Variants in THRB observed in about 807,000 individuals in gnomAD.
THRB encodes the protein thyroid hormone receptor beta.
Under a neutral mutation model 47.8 loss-of-function variants are expected in THRB, and 12 were observed. The observed-to-expected ratio is 0.25, with a 90% CI of 0.16 to 0.41. THRB has a LOEUF of 0.41. THRB is among the 10% of genes least tolerant of loss of function. The pLI is 1.00. For missense variants in THRB, 348 were observed against 589.2 expected, an observed-to-expected ratio of 0.59 and a Z score of 4.24; for synonymous variants, 218 against 212.2, an observed-to-expected ratio of 1.03 and a Z score of -0.24.
intron 2 of THRB, among the ~76,000 whole-genome samples, chr3:24,316,753 A>G (rs910417558): frequency 6.6e-6 from 1 of 152,096 alleles, no homozygotes; most frequent in Non-Finnish European, 1.5e-5. Flanking sequence ...CCCAGCCCCA[A>G]GTACCACCTT....
At chr3:24,388,024 T>C (rs986507613) in intron 1 of THRB, among the ~76,000 whole-genome samples, 7 of 152,066 alleles carry the variant, frequency 4.6e-5, no homozygotes, top group Non-Finnish European at 8.8e-5. Context: ...ACAGCTATGA[T>C]GGGTATTGTC....
At chr3:24,366,232 G>C (rs1304156027) in intron 1 of THRB, among the ~76,000 whole-genome samples, 1 of 152,138 alleles carries the variant, frequency 6.6e-6, no homozygotes, top group Non-Finnish European at 1.5e-5. Flanking sequence ...CGTTGAATCA[G>C]ACACTATTCC....
At chr3:24,279,754 A>C (rs2054344454) in intron 3 of THRB, among the ~76,000 whole-genome samples, 1 of 151,876 alleles carries the variant, frequency 6.6e-6, no homozygotes, top group African/African-American at 2.4e-5. Flanking sequence ...TTTCATCCTC[A>C]CATTGCCTTG....
At chr3:24,411,308 T>C (rs1339482084) in intron 1 of THRB, among the ~76,000 whole-genome samples, 1 of 151,858 alleles carries the variant, frequency 6.6e-6, no homozygotes, top group Non-Finnish European at 1.5e-5. Flanking sequence ...CATTTGCATG[T>C]ACCAATATGG....
At chr3:24,473,812 A>C (rs978313993) in intron 1 of THRB, among the ~76,000 whole-genome samples, 2 of 152,212 alleles carry the variant, frequency 1.3e-5, no homozygotes, top group Non-Finnish European at 2.9e-5. Context: ...GCTGGAAACC[A>C]TCATTATCAG....
intron 3 of THRB, among the ~76,000 whole-genome samples, chr3:24,231,742 G>A (rs1401350082): frequency 6.6e-5 from 10 of 152,144 alleles, no homozygotes; most frequent in Admixed American, 5.9e-4. Flanking sequence ...CCTACATGGT[G>A]GGTGTTGGTA....
chr3:24,452,233 G>T (rs2072735118), intron 1 of THRB, among the ~76,000 whole-genome samples: 1 of 152,132 alleles, frequency 6.6e-6, no homozygotes, highest in South Asian at 2.1e-4. Context: ...ATGGGTATTT[G>T]TGCATTACTT....
chr3:24,214,090 G>T (rs1270055538), intron 4 of THRB, among the ~76,000 whole-genome samples: 1 of 152,186 alleles, frequency 6.6e-6, no homozygotes, highest in Non-Finnish European at 1.5e-5. Flanking sequence ...CACAGGTAAA[G>T]AAACTGAGTA....
At chr3:24,190,006 C>T (rs1311352437) in intron 5 of THRB, 68 bp downstream of exon 5, 1 of 1,479,550 alleles carries the variant, frequency 6.8e-7, no homozygotes. Flanking sequence ...ATGAAGTACA[C>T]AGCTACAACA....
intron 4 of THRB, among the ~76,000 whole-genome samples, chr3:24,221,802 G>A (rs886674742): frequency 1.1e-4 from 16 of 152,182 alleles, no homozygotes; most frequent in Admixed American, 3.3e-4. Flanking sequence ...TTTGAGGGAA[G>A]GTTTTCGCTA....
chr3:24,214,708 C>T (rs2046391269), intron 4 of THRB, among the ~76,000 whole-genome samples: 1 of 152,148 alleles, frequency 6.6e-6, no homozygotes, highest in South Asian at 2.1e-4. Flanking sequence ...CCCTTCTGGT[C>T]CTCAGGAAGC....
At chr3:24,473,257 G>A (rs1176190107) in intron 1 of THRB, among the ~76,000 whole-genome samples, 1 of 152,256 alleles carries the variant, frequency 6.6e-6, no homozygotes, top group East Asian at 1.9e-4. Context: ...TTTAAAATAC[G>A]ATTAGTGATG....
At chr3:24,255,211 C>G (rs2051130157) in intron 3 of THRB, among the ~76,000 whole-genome samples, 3 of 152,152 alleles carry the variant, frequency 2.0e-5, no homozygotes, top group African/African-American at 7.2e-5. Flanking sequence ...TATGCCATAA[C>G]TGTTTGTCTA....
chr3:24,351,385 A>G (rs1010797299), intron 1 of THRB, among the ~76,000 whole-genome samples: 1 of 152,128 alleles, frequency 6.6e-6, no homozygotes, highest in Admixed American at 6.6e-5. Context: ...TTTCAAAATG[A>G]TGGGCACTTA....
At chr3:24,331,237 CAT>C (rs2061907760) in intron 2 of THRB, among the ~76,000 whole-genome samples, 1 of 151,722 alleles carries the variant, frequency 6.6e-6, no homozygotes, top group African/African-American at 2.4e-5. Flanking sequence ...TTACCAAACT[CAT>C]AAGTCTACTC....
chr3:24,418,396 C>T (rs1317733449), intron 1 of THRB, among the ~76,000 whole-genome samples: 2 of 151,756 alleles, frequency 1.3e-5, no homozygotes, highest in East Asian at 3.9e-4. Context: ...ACCTCCACCC[C>T]CACTTAACAC....
chr3:24,259,875 A>C (rs2051767104), intron 3 of THRB, among the ~76,000 whole-genome samples: 1 of 152,080 alleles, frequency 6.6e-6, no homozygotes, highest in African/African-American at 2.4e-5. Context: ...TGTGTATGTA[A>C]GTTTTAAAAA....
intron 3 of THRB, among the ~76,000 whole-genome samples, chr3:24,254,459 A>C (rs1422752374): frequency 6.6e-6 from 1 of 152,048 alleles, no homozygotes; most frequent in South Asian, 2.1e-4. Flanking sequence ...TAATACATAT[A>C]CTATTGGCCT....
chr3:24,300,477 T>C (rs1472916737), intron 2 of THRB, among the ~76,000 whole-genome samples: 1 of 152,212 alleles, frequency 6.6e-6, no homozygotes, highest in Non-Finnish European at 1.5e-5. Flanking sequence ...GATTCTTCTT[T>C]CCCTCCCTAC....
Sources: gnomAD v4.1 joint callset for allele counts (sites outside exome capture counted in the v4.1 genomes callset) on GRCh38, gnomAD v4.1.1 for gene constraint, MANE v1.5 for transcripts, NCBI Gene and HGNC (gene_info 2026-07-23, HGNC 2026-07-21) for gene names.